The following CDH23 variants were observed in gnomAD, a reference collection of about 807,000 sequenced individuals.
CDH23 encodes cadherin related 23.
Under a neutral mutation model 317.1 loss-of-function variants are expected in CDH23, and 189 were observed. The observed-to-expected ratio is 0.60, with a 90% confidence interval of 0.53 to 0.67. The LOEUF (loss-of-function observed/expected upper bound fraction) is 0.67, where lower values mean the gene tolerates loss of function less well. CDH23 is among the 30% of genes least tolerant of loss of function. The pLI is 0.00. For synonymous variants in CDH23, 1,839 were observed against 1,876.8 expected (o/e 0.98, Z 0.52); for missense variants, 4,401 against 4,592.4 (o/e 0.96, Z 1.20).
intron 31 of CDH23, 36 bp from the exon 32 acceptor site, chr10:71,731,951 T>C: frequency 6.3e-7 from 1 of 1,596,958 alleles, no homozygotes; most frequent in Non-Finnish European, 8.5e-7. Context: ...CACTCAGTTC[T>C]ATCTGGGACT....
intron 6 of CDH23, among the ~76,000 whole-genome samples, chr10:71,532,933 T>C (rs751050669): frequency 6.6e-6 from 1 of 152,120 alleles, no homozygotes; most frequent in Non-Finnish European, 1.5e-5. Flanking sequence ...GGTTTCACCA[T>C]GTGGGCCAGG....
intron 11 of CDH23, among the ~76,000 whole-genome samples, chr10:71,633,631 C>A (rs1228554906): frequency 6.6e-6 from 1 of 152,206 alleles, no homozygotes; most frequent in Non-Finnish European, 1.5e-5. Flanking sequence ...CAAGACCGGG[C>A]AGCTCCCTTG....
At chr10:71,443,093 G>T (rs1456292793) in intron 2 of CDH23, among the ~76,000 whole-genome samples, 4 of 152,172 alleles carry the variant, frequency 2.6e-5, no homozygotes, top group Non-Finnish European at 5.9e-5. Context: ...GACTGGCGGG[G>T]GCACTCTGAG....
At chr10:71,678,703 G>C (rs1251377623) in intron 16 of CDH23, among the ~76,000 whole-genome samples, 1 of 152,204 alleles carries the variant, frequency 6.6e-6, no homozygotes, top group Non-Finnish European at 1.5e-5. Flanking sequence ...TCTAGAGTGA[G>C]GGACAACCTG....
At chr10:71,813,881 G>A (rs1244242600) in intron 69 of CDH23, among the ~76,000 whole-genome samples, 1 of 152,120 alleles carries the variant, frequency 6.6e-6, no homozygotes, top group African/African-American at 2.4e-5. Flanking sequence ...GCACTCCATT[G>A]GGTGACAGAG....
At chr10:71,431,765 T>C (rs1849382057) in intron 1 of CDH23, among the ~76,000 whole-genome samples, 1 of 151,736 alleles carries the variant, frequency 6.6e-6, no homozygotes, top group Non-Finnish European at 1.5e-5. Context: ...TTCTCTCATG[T>C]CCCCCCCTGC....
At chr10:71,504,275 G>C (rs1257604428) in intron 3 of CDH23, among the ~76,000 whole-genome samples, 1 of 152,090 alleles carries the variant, frequency 6.6e-6, no homozygotes, top group African/African-American at 2.4e-5. Flanking sequence ...GATTACTCTA[G>C]GTACCTTATA....
chr10:71,545,631 C>T (rs1321603120), intron 6 of CDH23, among the ~76,000 whole-genome samples: 5 of 152,278 alleles, frequency 3.3e-5, no homozygotes, highest in East Asian at 3.9e-4. Flanking sequence ...GAGCTGGGGA[C>T]GCAGCCAAAC....
In CDH23 at chr10:71,815,141, C is replaced by T. The variant is rs200124827; in HGVS notation, c.9928C>T (p.Arg3310Cys). 473 of 1,611,268 alleles carry T rather than the reference C, an allele frequency of 2.9e-4. No individual in the cohort carries two copies. Among genetic ancestry groups the T allele is most frequent in the Middle Eastern group, 9.9e-4 (6 of 6,062 alleles). ...LPEEDQKGLG[R>C]SLETLTAAEA... ...CGAGGAAGACCAGAAGGGCCTGGGC[C>T]GCTCGCTGGAGACGCTGACCGCTGC... The change falls in exon 70 of 70, where the codon CGC (arginine) becomes TGC (cysteine). Residue 3310 changes from arginine to cysteine, a missense_variant. Physicochemically the swap from Arg to Cys is radical, Grantham distance 180. Coordinates refer to ENST00000224721, the MANE Select transcript of CDH23 (RefSeq NM_022124.6).
At chr10:71,708,852 G>A (rs1865876524) in intron 26 of CDH23, among the ~76,000 whole-genome samples, 2 of 152,230 alleles carry the variant, frequency 1.3e-5, no homozygotes, top group Admixed American at 6.5e-5. Context: ...GAAATGGTCT[G>A]CATGAAGTAC....
intron 38 of CDH23, chr10:71,750,444 G>C (rs1250128428): frequency 6.6e-6 from 1 of 152,360 alleles, no homozygotes; most frequent in African/African-American, 2.4e-5. Context: ...GGATGGGGAG[G>C]GCGGGGGGCA....
At chr10:71,556,261 CT>C (rs1368350298) in intron 6 of CDH23, among the ~76,000 whole-genome samples, 2 of 152,084 alleles carry the variant, frequency 1.3e-5, no homozygotes, top group Admixed American at 6.5e-5. Flanking sequence ...TGGATGAGTG[CT>C]TTAAGGCAGG....
intron 22 of CDH23, among the ~76,000 whole-genome samples, chr10:71,700,105 G>C (rs1564741286): frequency 6.6e-6 from 1 of 152,200 alleles, no homozygotes; most frequent in Non-Finnish European, 1.5e-5. Flanking sequence ...CTCTCCCCCA[G>C]GCTGGGTGCG....
chr10:71,443,638 A>G (rs1208769230), intron 2 of CDH23, among the ~76,000 whole-genome samples: 1 of 152,244 alleles, frequency 6.6e-6, no homozygotes, highest in Non-Finnish European at 1.5e-5. Flanking sequence ...CCACAGACCC[A>G]CAATGGGGTG....
chr10:71,578,569 T>C (rs1010882127), intron 9 of CDH23, among the ~76,000 whole-genome samples: 1 of 152,234 alleles, frequency 6.6e-6, no homozygotes, highest in South Asian at 2.1e-4. Flanking sequence ...CAGAGATGGT[T>C]CCGGGTGATG....
chr10:71,648,423 G>A (rs1863003408), intron 14 of CDH23, among the ~76,000 whole-genome samples: 2 of 152,232 alleles, frequency 1.3e-5, no homozygotes, highest in Admixed American at 6.5e-5. Flanking sequence ...GTGGGTCTGG[G>A]ACCACGTGGC....
intron 3 of CDH23, among the ~76,000 whole-genome samples, chr10:71,492,612 ACT>A (rs1375980394): frequency 6.6e-6 from 1 of 152,082 alleles, no homozygotes; most frequent in Non-Finnish European, 1.5e-5. Flanking sequence ...GAACCAGGTC[ACT>A]CTCATTTTTT....
Position 71,712,812 on chromosome 10 carries a change from A to G in CDH23, c.3368A>G (p.Gln1123Arg). The stretch of plus-strand genomic sequence containing the variant: ...ATCCCTGAAGGCCACAGCATCTTGC[A>G]GGCAGGTGGCCCGTGGCCTCTGGGG... Reference protein sequence around the residue: ...EDIPEGHSILQLKATDADEGE... With the variant: ...EDIPEGHSILRLKATDADEGE... Residue 1123 changes from glutamine to arginine, a missense_variant and splice_region_variant, in exon 28 of 70, where the codon CAG becomes CGG. Physicochemically the swap from Gln to Arg is conservative, Grantham distance 43. Transcript: ENST00000224721. 1 of 1,611,266 alleles carries G rather than the reference A, an allele frequency of 6.2e-7. No homozygotes were observed. Among genetic ancestry groups the G allele is most frequent in the Non-Finnish European group, 8.5e-7 (1 of 1,179,070 alleles).
chr10:71,794,942 A>C (rs1841360459), intron 48 of CDH23, among the ~76,000 whole-genome samples: 1 of 152,208 alleles, frequency 6.6e-6, no homozygotes, highest in Admixed American at 6.5e-5. Flanking sequence ...ATGGGTGTGC[A>C]TCATGGGGGT....
Sources: allele counts gnomAD v4.1 joint callset (sites outside exome capture counted in the v4.1 genomes callset), GRCh38; gene constraint gnomAD v4.1.1; transcripts MANE v1.5; gene names NCBI Gene and HGNC (gene_info 2026-07-23, HGNC 2026-07-21).